PAX2: variants seen among roughly 807,000 people sequenced by gnomAD.
PAX2 encodes the protein paired box 2.
In PAX2, 9 loss-of-function variants were observed where a neutral mutation model predicts 41.7. That is an observed-to-expected ratio of 0.22 (90% confidence interval 0.13 to 0.38). The LOEUF (loss-of-function observed/expected upper bound fraction) is 0.38. PAX2 is among the 10% of genes least tolerant of loss of function. The pLI is 1.00. For synonymous variants in PAX2, 221 were observed against 212.7 expected (o/e 1.04, Z -0.34); for missense variants, 418 against 531.6 (o/e 0.79, Z 2.10).
intron 7 of PAX2, among the ~76,000 whole-genome samples, chr10:100,811,616 A>T (rs1404705766): frequency 6.6e-6 from 1 of 152,238 alleles, no homozygotes; most frequent in Non-Finnish European, 1.5e-5. Context: ...AGAGGCCCTT[A>T]GTGTATTTGT....
chr10:100,817,109 C>T (rs1224436214), intron 7 of PAX2, among the ~76,000 whole-genome samples: 1 of 152,128 alleles, frequency 6.6e-6, no homozygotes, highest in Non-Finnish European at 1.5e-5. Context: ...CATCTTTGAG[C>T]CTGGGCCCAA....
intron 3 of PAX2, among the ~76,000 whole-genome samples, chr10:100,758,222 GCTCCGCCTCCCGGGTTCACGCCATT>G (rs1434059354): frequency 1.3e-5 from 2 of 150,426 alleles, no homozygotes; most frequent in Non-Finnish European, 3.0e-5. Context: ...CTCACTGCAA[GCTCCGCCTCCCGGGTTCACGCCATT>G]CTCCTGCCTC....
intron 3 of PAX2, among the ~76,000 whole-genome samples, chr10:100,773,911 C>T (rs566688170): frequency 6.6e-6 from 1 of 152,304 alleles, no homozygotes; most frequent in African/African-American, 2.4e-5. Flanking sequence ...GCCTGCACCC[C>T]AGCCTTGCCT....
chr10:100,796,641 C>T (rs1480753363), intron 5 of PAX2, among the ~76,000 whole-genome samples: 1 of 152,170 alleles, frequency 6.6e-6, no homozygotes, highest in Non-Finnish European at 1.5e-5. Context: ...GAATCTCTTG[C>T]CATGGAATCC....
At position 100,745,695 on chromosome 10, in the gene PAX2, C is replaced by T; in HGVS notation, c.-566C>T. The T allele has an allele frequency of 1.0e-6, 1 of 982,042 alleles. No homozygotes were observed. The highest frequency in any genetic ancestry group is 1.2e-6 in the Non-Finnish European group (1 of 814,742). 60.8% of individuals were successfully genotyped at this position (982,042 alleles called of 1,614,324 possible). A position where few individuals can be genotyped will look rare whatever the true frequency, so the allele number is the denominator to read the frequency against. ...GCCCTTCGGCCGCGGCGGCGTGCGCCTGCCTTTTCCGGGGGCGGGGGCCTG... is the reference window on the plus strand; with the variant it reads ...GCCCTTCGGCCGCGGCGGCGTGCGCTTGCCTTTTCCGGGGGCGGGGGCCTG... On this transcript the variant is annotated 5_prime_UTR_variant, in exon 1 of 10. Coordinates refer to ENST00000355243, the MANE Select transcript of PAX2 (RefSeq NM_000278.5).
rs1468587924 is a variant in PAX2, at chr10:100,805,020, A to T, written c.617-1410A>T. 1.3e-3 allele frequency among the ~76,000 whole-genome samples: 22 copies of T among 17,510 alleles called. 1 individual carries two copies. The highest frequency in any genetic ancestry group is 4.2e-3 in the African/African-American group (18 of 4,294). 11.5% of individuals were successfully genotyped at this position (17,510 alleles called of 152,430 possible). A position where few individuals can be genotyped will look rare whatever the true frequency, so the allele number is the denominator to read the frequency against. ...CTCCTTCTCTCTCTCTCTCTCTCTC[A>T]CATACACACACACACACACACACAC... is the stretch of plus-strand genomic sequence containing the variant. On this transcript the variant is annotated intron_variant, in intron 5 of 9. Coordinates refer to ENST00000355243, the MANE Select transcript of PAX2 (RefSeq NM_000278.5).
chr10:100,791,790 A>G lies in PAX2; in HGVS notation c.616+10425A>G, dbSNP rs967125157. Among the ~76,000 whole-genome samples, 1 of 152,142 alleles carries G rather than the reference A, an allele frequency of 6.6e-6. No homozygotes were observed. The highest frequency in any genetic ancestry group is 1.5e-5 in the Non-Finnish European group (1 of 68,010). ...CTCCTTTCTTCCCTCCTCACCTGCC[A>G]TCTCCATCTCTTTAGGCAGAGTGCC... On this transcript the variant is annotated intron_variant, in intron 5 of 9. Coordinates refer to ENST00000355243, the MANE Select transcript of PAX2 (RefSeq NM_000278.5). The surrounding 1 kb of genome is among the most constrained non-coding windows in gnomAD (Gnocchi z 4.5).
At chr10:100,821,626 T>C (rs1242119439) in intron 7 of PAX2, among the ~76,000 whole-genome samples, 2 of 152,246 alleles carry the variant, frequency 1.3e-5, no homozygotes, top group African/African-American at 4.8e-5. Flanking sequence ...AACTTTCCAA[T>C]AGGACTGCAT....
chr10:100,819,708 G>A (rs1275007770), intron 7 of PAX2, among the ~76,000 whole-genome samples: 1 of 152,214 alleles, frequency 6.6e-6, no homozygotes, highest in Non-Finnish European at 1.5e-5. Context: ...GGTAGTCCTG[G>A]CCCAAGTAGA....
At chr10:100,767,659 C>CT (rs1846073277) in intron 3 of PAX2, among the ~76,000 whole-genome samples, 1 of 152,162 alleles carries the variant, frequency 6.6e-6, no homozygotes, top group South Asian at 2.1e-4. Flanking sequence ...TCTTCAGGGA[C>CT]TTTCCAGCAA....
upstream of PAX2, among the ~76,000 whole-genome samples, chr10:100,740,870 C>T (rs1290731561): frequency 2.0e-5 from 3 of 152,234 alleles, no homozygotes; most frequent in Non-Finnish European, 4.4e-5. Context: ...GCCCTTTTAG[C>T]TTGTTCTCTG....
chr10:100,739,817 G>C (rs1043054454), intron 1 of PAX2, among the ~76,000 whole-genome samples: 4 of 152,184 alleles, frequency 2.6e-5, no homozygotes, highest in Non-Finnish European at 4.4e-5. Flanking sequence ...GCGGGCTCCG[G>C]GCCGGCTGCT....
rs1848634904 is a variant in PAX2 at position 100,827,757 on chromosome 10, A to G, written c.*138A>G. Reference sequence around the variant, plus strand: ...CACCGCCCCAGCCTCACCCCATCCCACGACCCCCGCAACCCTTCACATCAC... The same window carrying G: ...CACCGCCCCAGCCTCACCCCATCCCGCGACCCCCGCAACCCTTCACATCAC... On this transcript the variant is annotated 3_prime_UTR_variant, in exon 10 of 10. Coordinates refer to ENST00000355243, the MANE Select transcript of PAX2 (RefSeq NM_000278.5). The surrounding 1 kb of genome is among the most constrained non-coding windows in gnomAD (Gnocchi z 8.5). 1.4e-5 allele frequency: 19 copies of G among 1,379,194 alleles called. No individual in the cohort carries two copies. The South Asian group carries it at 2.3e-4, about 16-fold the overall frequency. The allele number at this position is 1,379,194 out of a possible 1,614,324, so 85.4% of individuals were successfully genotyped here.
intron 3 of PAX2, among the ~76,000 whole-genome samples, chr10:100,762,012 C>G (rs1271290494): frequency 1.3e-5 from 2 of 152,112 alleles, no homozygotes; most frequent in Non-Finnish European, 2.9e-5. Context: ...AATATCACCA[C>G]AAGCCTCCTC....
intron 5 of PAX2, among the ~76,000 whole-genome samples, chr10:100,795,759 G>A (rs1450931898): frequency 6.6e-6 from 1 of 152,178 alleles, no homozygotes; most frequent in African/African-American, 2.4e-5. Context: ...GCAGTTTTAG[G>A]GTCCTGTGTG....
intron 3 of PAX2, among the ~76,000 whole-genome samples, chr10:100,765,888 G>C (rs1376116033): frequency 6.6e-6 from 1 of 151,428 alleles, no homozygotes; most frequent in Non-Finnish European, 1.5e-5. Context: ...CAATCTTATG[G>C]CTGCTTTACT....
At chr10:100,757,123 A>G (rs1845661803) in intron 3 of PAX2, among the ~76,000 whole-genome samples, 1 of 152,218 alleles carries the variant, frequency 6.6e-6, no homozygotes, top group African/African-American at 2.4e-5. Context: ...GATGGTTTGC[A>G]GTGTAGAAGT....
chr10:100,786,686 T>A (rs1162592578), intron 5 of PAX2, among the ~76,000 whole-genome samples: 2 of 152,058 alleles, frequency 1.3e-5, no homozygotes, highest in African/African-American at 4.8e-5. Flanking sequence ...GCGCCCATGG[T>A]CCTGGGCACA....
chr10:100,781,429 GGTTTC>G (rs573445500), intron 5 of PAX2, 64 bp downstream of exon 5: 95 of 1,585,714 alleles, frequency 6.0e-5, no homozygotes, highest in Non-Finnish European at 8.1e-5. Flanking sequence ...TCCAAGCTCC[GGTTTC>G]GGCCTGGCCT....
Sources: gnomAD v4.1 joint callset for allele counts (sites outside exome capture counted in the v4.1 genomes callset) on GRCh38, gnomAD v4.1.1 for gene constraint, Gnocchi (gnomAD v3.1) non-coding constraint, MANE v1.5 for transcripts, NCBI Gene and HGNC (gene_info 2026-07-23, HGNC 2026-07-21) for gene names.